Variants in SH3D19 observed in about 807,000 individuals in gnomAD.
SH3D19 encodes the protein SH3 domain-containing protein 19.
A neutral mutation model predicts 112.1 loss-of-function variants in SH3D19; 58 were observed. That is an observed-to-expected ratio of 0.52 (90% confidence interval 0.42 to 0.64). The LOEUF (loss-of-function observed/expected upper bound fraction) is 0.64. Among genes scored for constraint, SH3D19 ranks in the 30% least tolerant of loss-of-function variants. The pLI, the probability that SH3D19 is intolerant of heterozygous loss-of-function variation, is 0.00. For synonymous variants in SH3D19, 391 were observed against 448.5 expected (o/e 0.87, Z 1.62); for missense variants, 1,090 against 1,263.4 (o/e 0.86, Z 2.08).
At chr4:151,167,624 T>C (rs1396333877) in intron 7 of SH3D19, among the ~76,000 whole-genome samples, 2 of 152,252 alleles carry the variant, frequency 1.3e-5, no homozygotes, top group African/African-American at 4.8e-5. Context: ...GTGCCTGCTA[T>C]GCATTAAACA....
chr4:151,282,390 G>A (rs769911174), intron 1 of SH3D19: 1 of 1,613,864 alleles, frequency 6.2e-7, no homozygotes, highest in Non-Finnish European at 8.5e-7. Context: ...GTGACCGGAT[G>A]GGGAAAAGTT....
At chr4:151,297,957 T>C (rs1030764866) in intron 1 of SH3D19, among the ~76,000 whole-genome samples, 22 of 151,916 alleles carry the variant, frequency 1.4e-4, no homozygotes, top group African/African-American at 4.8e-4. Flanking sequence ...GACAGAAGGA[T>C]GGAAGCAGAA....
chr4:151,210,145 T>G (rs1765727622), intron 2 of SH3D19, among the ~76,000 whole-genome samples: 1 of 152,186 alleles, frequency 6.6e-6, no homozygotes, highest in African/African-American at 2.4e-5. Context: ...TCTTAAAATA[T>G]TTATATATTT....
intron 1 of SH3D19, among the ~76,000 whole-genome samples, chr4:151,265,559 TATTTC>T (rs1772714525): frequency 2.1e-5 from 3 of 140,658 alleles, no homozygotes; most frequent in African/African-American, 7.8e-5. Flanking sequence ...ATATTTATTT[TATTTC>T]TTTTCTTTTT....
At chr4:151,230,197 G>A (rs774577420) in intron 1 of SH3D19, among the ~76,000 whole-genome samples, 4 of 152,160 alleles carry the variant, frequency 2.6e-5, no homozygotes, top group South Asian at 2.1e-4. Context: ...CGCCACTTAC[G>A]TAGAAATGGG....
intron 1 of SH3D19, among the ~76,000 whole-genome samples, chr4:151,233,835 G>C (rs758733077): frequency 6.6e-6 from 1 of 152,150 alleles, no homozygotes; most frequent in Non-Finnish European, 1.5e-5. Flanking sequence ...ATAAGGTTTT[G>C]AGCATGTGTC....
In SH3D19 at chr4:151,133,124, T is replaced by C. The variant is rs1454942949; in HGVS notation, c.2599A>G (p.Arg867Gly). The part of the protein sequence containing the change: ...LKEYVNEEWA[R>G]GEVRGRTGIF... ...CCAGTTCTGCCTCGAACTTCTCCTC[T>C]GGCCCATTCCTCATTCACATACTCT... Residue 867 changes from arginine (R) to glycine (G), a missense_variant, in exon 16 of 20, where the codon AGA becomes GGA. By Grantham distance (125) the Arg-to-Gly change is moderately radical (BLOSUM62 -2). Coordinates refer to ENST00000604030, the MANE Select transcript of SH3D19 (RefSeq NM_001378122.1). The C allele has an allele frequency of 6.2e-7, 1 of 1,614,222 alleles. No homozygotes were observed. Among genetic ancestry groups the C allele is most frequent in the Admixed American group, 1.7e-5 (1 of 60,030 alleles).
chr4:151,150,446 T>C (rs987410603), intron 9 of SH3D19, among the ~76,000 whole-genome samples: 10 of 151,352 alleles, frequency 6.6e-5, no homozygotes, highest in African/African-American at 2.4e-4. Flanking sequence ...TATTAGTTGG[T>C]TTTGCTTTGA....
chr4:151,224,815 G>GTGATTA (rs1768723442), intron 2 of SH3D19, among the ~76,000 whole-genome samples: 1 of 152,088 alleles, frequency 6.6e-6, no homozygotes, highest in African/African-American at 2.4e-5. Flanking sequence ...CCAAGTAGCT[G>GTGATTA]CGATTACAGG....
At chr4:151,221,604 A>G (rs1435195104) in intron 2 of SH3D19, among the ~76,000 whole-genome samples, 1 of 152,200 alleles carries the variant, frequency 6.6e-6, no homozygotes, top group Non-Finnish European at 1.5e-5. Context: ...TTTGTAAGGT[A>G]AAAATACTGA....
chr4:151,186,794 A>ATTT (rs1225256937), intron 3 of SH3D19, among the ~76,000 whole-genome samples: 2 of 125,832 alleles, frequency 1.6e-5, no homozygotes, highest in East Asian at 2.4e-4. Flanking sequence ...TGGTTACATA[A>ATTT]TTTTTTTTTT....
chr4:151,199,016 ATCTT>A (rs915558939), intron 2 of SH3D19, among the ~76,000 whole-genome samples: 2 of 98,580 alleles, frequency 2.0e-5, no homozygotes, highest in Non-Finnish European at 4.5e-5. Context: ...ACCAGCTAAC[ATCTT>A]TTTTTTTTTT....
At chr4:151,163,751 T>C (rs146315254) in intron 8 of SH3D19, among the ~76,000 whole-genome samples, 1,585 of 152,042 alleles carry the variant, frequency 0.01, 23 homozygotes, top group African/African-American at 0.034. Context: ...TGGCTAACTT[T>C]TTTGTATTTT....
At position 151,128,286 on chromosome 4, in the gene SH3D19, G is replaced by A; in HGVS notation, c.2813C>T (p.Ser938Leu). 1.9e-6 allele frequency: 3 copies of A among 1,614,120 alleles called. No homozygotes were observed. The highest frequency in any genetic ancestry group is 2.5e-6 in the Non-Finnish European group (3 of 1,180,002). Reference protein sequence around the residue: ...SFTAETSDDLSFKRGDRIQIL... With the variant: ...SFTAETSDDLLFKRGDRIQIL... ...CTGGATCCGGTCTCCCCTCTTGAATGATAAGTCATCACTGGTCTCTGCTGT... is the reference window on the plus strand; with the variant it reads ...CTGGATCCGGTCTCCCCTCTTGAATAATAAGTCATCACTGGTCTCTGCTGT... Residue 938 changes from serine (S) to leucine (L), a missense_variant, in exon 18 of 20, where the codon TCA (serine) becomes TTA (leucine). Coordinates refer to ENST00000604030, the MANE Select transcript of SH3D19 (RefSeq NM_001378122.1).
intron 1 of SH3D19, among the ~76,000 whole-genome samples, chr4:151,231,520 G>A (rs1769607489): frequency 6.6e-6 from 1 of 152,098 alleles, no homozygotes. Context: ...TTACATTTGA[G>A]ATTCCCACAG....
chr4:151,265,346 A>C (rs1284844190), intron 1 of SH3D19, among the ~76,000 whole-genome samples: 3 of 151,526 alleles, frequency 2.0e-5, no homozygotes, highest in Non-Finnish European at 2.9e-5. Flanking sequence ...GTGGGATGCT[A>C]AATCAGTTGA....
At chr4:151,128,402 G>T (rs746159440) in intron 17 of SH3D19, 46 bp from the exon 18 acceptor site, 1 of 1,500,950 alleles carries the variant, frequency 6.7e-7, no homozygotes, top group East Asian at 2.4e-5. Flanking sequence ...GATTTTATTT[G>T]AAATTGAGTT....
At chr4:151,125,204 T>C (rs1748940550) in intron 19 of SH3D19, among the ~76,000 whole-genome samples, 2 of 152,182 alleles carry the variant, frequency 1.3e-5, no homozygotes, top group African/African-American at 4.8e-5. Context: ...TGTGGTGACT[T>C]ATGCCTGTAA....
chr4:151,288,677 A>G (rs991680566), intron 1 of SH3D19, among the ~76,000 whole-genome samples: 9 of 152,184 alleles, frequency 5.9e-5, no homozygotes, highest in African/African-American at 2.2e-4. Context: ...CTGTCTTAAA[A>G]AAAAAAGAAA....
Sources: gnomAD v4.1 joint callset for allele counts (sites outside exome capture counted in the v4.1 genomes callset) on GRCh38, gnomAD v4.1.1 for gene constraint, MANE v1.5 for transcripts, NCBI Gene and HGNC (gene_info 2026-07-23, HGNC 2026-07-21) for gene names.